The following ZHX3 variants were observed in gnomAD, a reference collection of about 807,000 sequenced individuals.
ZHX3 encodes the protein zinc fingers and homeoboxes 3, also known as zinc fingers and homeoboxes protein 3.
ZHX3 carries 20 observed loss-of-function variants against 64.5 expected under a neutral mutation model. The ratio of observed to expected loss-of-function variants is 0.31; its 90% confidence interval spans 0.22 to 0.45. The LOEUF is 0.45. Among genes scored for constraint, ZHX3 ranks in the 20% least tolerant of loss-of-function variants. ZHX3 has a pLI of 1.00. For synonymous variants in ZHX3, 423 were observed against 461.6 expected (o/e 0.92, Z 1.07); for missense variants, 1,041 against 1,195.8 (o/e 0.87, Z 1.91).
chr20:41,286,931 C>T (rs1338763613), intron 1 of ZHX3, among the ~76,000 whole-genome samples: 1 of 138,120 alleles, frequency 7.2e-6, no homozygotes, highest in East Asian at 2.8e-4. Flanking sequence ...TCTCCTGCCA[C>T]CTTGTGAAGA....
At chr20:41,310,072 C>A (rs1473118797) in intron 1 of ZHX3, among the ~76,000 whole-genome samples, 2 of 152,172 alleles carry the variant, frequency 1.3e-5, no homozygotes, top group Non-Finnish European at 2.9e-5. Flanking sequence ...GCCTAGATAC[C>A]TTTAGCTATC....
At chr20:41,256,863 G>A (rs748456587) in intron 2 of ZHX3, among the ~76,000 whole-genome samples, 1 of 151,656 alleles carries the variant, frequency 6.6e-6, no homozygotes. Context: ...GGTGAATCTG[G>A]ACTTTTAGCG....
intron 3 of ZHX3, among the ~76,000 whole-genome samples, chr20:41,198,679 G>A (rs2037969687): frequency 6.6e-6 from 1 of 151,970 alleles, no homozygotes; most frequent in South Asian, 2.1e-4. Flanking sequence ...GTGGATCTGA[G>A]TTCATCCTGC....
At position 41,212,258 on chromosome 20, in the gene ZHX3, T is replaced by C. The variant is rs1202179170; in HGVS notation, c.-150-7192A>G. On this transcript the variant is annotated intron_variant, in intron 2 of 3. Coordinates refer to ENST00000683867, the MANE Select transcript of ZHX3 (RefSeq NM_001384317.1). This position sits in a 1 kb window ranked among gnomAD's most constrained non-coding sequence, Gnocchi z 4.3. ...CACTTCTCCAAAGAAGATATACAAA[T>C]GGCCAGTAAAGCACATAAAAAACTG... Among the ~76,000 whole-genome samples the C allele has an allele frequency of 6.6e-6, 1 of 152,132 alleles. No individual in the cohort carries two copies. Among genetic ancestry groups the C allele is most frequent in the African/African-American group, 2.4e-5 (1 of 41,436 alleles).
intron 1 of ZHX3, among the ~76,000 whole-genome samples, chr20:41,301,895 A>C (rs2044824626): frequency 1.3e-5 from 2 of 151,466 alleles, no homozygotes; most frequent in South Asian, 2.1e-4. Context: ...TCTACTAAAA[A>C]TACAAAAAAT....
At chr20:41,192,939 G>C (rs971843140) in intron 3 of ZHX3, among the ~76,000 whole-genome samples, 1 of 152,192 alleles carries the variant, frequency 6.6e-6, no homozygotes, top group Non-Finnish European at 1.5e-5. Context: ...ACCACTGAGG[G>C]TCTCTCACTT....
chr20:41,293,901 C>G (rs2044372312), intron 1 of ZHX3, among the ~76,000 whole-genome samples: 1 of 152,186 alleles, frequency 6.6e-6, no homozygotes, highest in African/African-American at 2.4e-5. Flanking sequence ...AAAACCAGAA[C>G]AGATCTCTAA....
At chr20:41,266,031 G>C (rs1386849124) in intron 2 of ZHX3, among the ~76,000 whole-genome samples, 1 of 152,158 alleles carries the variant, frequency 6.6e-6, no homozygotes, top group Non-Finnish European at 1.5e-5. Context: ...TGAGGTAGGA[G>C]GCATGTGTGA....
intron 2 of ZHX3, among the ~76,000 whole-genome samples, chr20:41,257,640 C>T (rs1454286038): frequency 3.5e-5 from 5 of 141,688 alleles, no homozygotes; most frequent in Admixed American, 7.4e-5. Flanking sequence ...GAGACAGAGT[C>T]TCACTCTGTT....
At chr20:41,261,616 C>G (rs2042565845) in intron 2 of ZHX3, among the ~76,000 whole-genome samples, 1 of 152,216 alleles carries the variant, frequency 6.6e-6, no homozygotes, top group South Asian at 2.1e-4. Context: ...AGCCAGCCAT[C>G]TGAAAAAGCT....
intron 1 of ZHX3, chr20:41,317,159 T>A (rs187307493): frequency 1.4e-5 from 2 of 141,972 alleles, no homozygotes; most frequent in South Asian, 2.3e-4. Context: ...CCGCTTCCCC[T>A]CTACCACCCC....
At chr20:41,284,722 C>T (rs1238270740) in intron 1 of ZHX3, among the ~76,000 whole-genome samples, 4 of 152,150 alleles carry the variant, frequency 2.6e-5, no homozygotes, top group Admixed American at 6.5e-5. Flanking sequence ...GGAAAGTTTT[C>T]GGGAGCCCTT....
chr20:41,224,885 G>C lies in ZHX3; in HGVS notation c.-150-19819C>G, dbSNP rs1010044514. 1.3e-5 allele frequency among the ~76,000 whole-genome samples: 2 copies of C among 152,150 alleles called. No homozygotes were observed. Among genetic ancestry groups the C allele is most frequent in the African/African-American group, 4.8e-5 (2 of 41,452 alleles). On this transcript the variant is annotated intron_variant, in intron 2 of 3. Coordinates refer to ENST00000683867, the MANE Select transcript of ZHX3 (RefSeq NM_001384317.1). This position sits in a 1 kb window ranked among gnomAD's most constrained non-coding sequence, Gnocchi z 5.2. ...TATTCTCTATCACAGCATCCTAATTGTTTCTTTCATAACATTTATCAAAAT... is the reference window on the plus strand; with the variant it reads ...TATTCTCTATCACAGCATCCTAATTCTTTCTTTCATAACATTTATCAAAAT...
intron 2 of ZHX3, among the ~76,000 whole-genome samples, chr20:41,243,635 T>G (rs1286952159): frequency 1.3e-5 from 2 of 152,174 alleles, no homozygotes; most frequent in Non-Finnish European, 2.9e-5. Flanking sequence ...CTCCACTATG[T>G]GCCACTGACT....
chr20:41,185,504 C>T lies in ZHX3; in HGVS notation c.2861-303G>A, dbSNP rs1229034322. 3.8e-6 allele frequency: 2 copies of T among 519,890 alleles called. No homozygotes were observed. The highest frequency in any genetic ancestry group is 3.3e-5 in the South Asian group (1 of 30,736). The allele number at this position is 519,890 out of a possible 1,614,324, so 32.2% of individuals were successfully genotyped here. A position where few individuals can be genotyped will look rare whatever the true frequency, so the allele number is the denominator to read the frequency against. On this transcript the variant is annotated intron_variant, in intron 3 of 3. Transcript: ENST00000683867. The surrounding 1 kb of genome is among the most constrained non-coding windows in gnomAD (Gnocchi z 5.0). The stretch of plus-strand genomic sequence containing the variant: ...CCAGGCCCACTAAATCCCCCTAGCT[C>T]CCCAGGCTTCCGCCACCACCGTCTC...
chr20:41,220,769 C>G (rs1348679513), intron 2 of ZHX3, among the ~76,000 whole-genome samples: 1 of 152,054 alleles, frequency 6.6e-6, no homozygotes, highest in Non-Finnish European at 1.5e-5. Context: ...TCACGGCTCT[C>G]TGCAGCCTCG....
chr20:41,255,831 G>A (rs6124334), intron 2 of ZHX3, among the ~76,000 whole-genome samples: 16,834 of 152,150 alleles, frequency 0.11, 1,272 homozygotes, highest in South Asian at 0.24. Context: ...GGCTCCCTTT[G>A]GCCACTGCCA....
At chr20:41,273,713 T>A (rs888891879) in intron 1 of ZHX3, among the ~76,000 whole-genome samples, 1 of 152,218 alleles carries the variant, frequency 6.6e-6, no homozygotes, top group Non-Finnish European at 1.5e-5. Flanking sequence ...ATATGTCTAT[T>A]CTTATGCTTA....
chr20:41,277,533 A>C (rs1174003480), intron 1 of ZHX3, among the ~76,000 whole-genome samples: 1 of 152,118 alleles, frequency 6.6e-6, no homozygotes, highest in Non-Finnish European at 1.5e-5. Flanking sequence ...TTAATTCTTA[A>C]GACTGAATTA....
Sources: allele counts gnomAD v4.1 joint callset (sites outside exome capture counted in the v4.1 genomes callset), GRCh38; gene constraint gnomAD v4.1.1; non-coding constraint Gnocchi (gnomAD v3.1); transcripts MANE v1.5; gene names NCBI Gene and HGNC (gene_info 2026-07-23, HGNC 2026-07-21).